RBM46: variants seen among roughly 807,000 people sequenced by gnomAD.
RBM46 encodes RNA binding motif protein 46.
A neutral mutation model predicts 43.3 loss-of-function variants in RBM46; 12 were observed. The observed-to-expected ratio is 0.28, with a 90% CI of 0.18 to 0.45. The LOEUF is 0.45. RBM46 is among the 20% of genes least tolerant of loss of function. RBM46 has a pLI of 1.00. For missense variants in RBM46, 412 were observed against 639.1 expected, an observed-to-expected ratio of 0.64 and a Z score of 3.83; for synonymous variants, 205 against 207.6, an observed-to-expected ratio of 0.99 and a Z score of 0.11.
intron 4 of RBM46, among the ~76,000 whole-genome samples, chr4:154,811,888 C>T (rs1292199213): frequency 3.9e-5 from 6 of 151,992 alleles, no homozygotes; most frequent in Non-Finnish European, 8.8e-5. Flanking sequence ...CCTGTGTTGG[C>T]CAGGCTGGTC....
At chr4:154,823,962 C>G (rs1241222035) in intron 4 of RBM46, among the ~76,000 whole-genome samples, 9 of 151,928 alleles carry the variant, frequency 5.9e-5, no homozygotes, top group African/African-American at 2.2e-4. Flanking sequence ...TAAGGTTAAG[C>G]TTATTTGCTG....
chr4:154,818,792 A>G (rs774655488), intron 4 of RBM46, among the ~76,000 whole-genome samples: 11 of 152,058 alleles, frequency 7.2e-5, no homozygotes, highest in South Asian at 4.2e-4. Flanking sequence ...CAGTCTGTAT[A>G]TTTTCTTACC....
Position 154,828,295 on chromosome 4 carries a change from G to C in RBM46, c.*228G>C. 2.1e-6 allele frequency: 1 copy of C among 487,486 alleles called. No homozygotes were observed. The highest frequency in any genetic ancestry group is 3.6e-6 in the Non-Finnish European group (1 of 275,396). The allele number at this position is 487,486 out of a possible 1,614,324, so 30.2% of individuals were successfully genotyped here. A position where few individuals can be genotyped will look rare whatever the true frequency, so the allele number is the denominator to read the frequency against. Reference sequence around the variant, plus strand: ...AGTGGTTTCTCTTGATAAAGGTACAGCAAACTACTATTCTTTTTAAACTTC... The same window carrying C: ...AGTGGTTTCTCTTGATAAAGGTACACCAAACTACTATTCTTTTTAAACTTC... On this transcript the variant is annotated 3_prime_UTR_variant, in exon 5 of 5. Coordinates refer to ENST00000281722, the MANE Select transcript of RBM46 (RefSeq NM_144979.5).
At chr4:154,781,841 A>ACCGCTGCAGGCCCGGG (rs1297599391) in intron 1 of RBM46, 1 of 152,280 alleles carries the variant, frequency 6.6e-6, no homozygotes, top group Admixed American at 6.5e-5. Context: ...ACGACCAACG[A>ACCGCTGCAGGCCCGGG]CCGCTGCAGG....
chr4:154,785,920 A>G (rs1003802041), intron 1 of RBM46, among the ~76,000 whole-genome samples: 13 of 152,216 alleles, frequency 8.5e-5, no homozygotes, highest in African/African-American at 3.1e-4. Context: ...CAGTTGTAAT[A>G]TTACTACAAA....
At chr4:154,819,362 T>A (rs1168023403) in intron 4 of RBM46, among the ~76,000 whole-genome samples, 2 of 152,154 alleles carry the variant, frequency 1.3e-5, no homozygotes, top group Non-Finnish European at 2.9e-5. Context: ...CCTAGCTTCA[T>A]TTGTCTCTTG....
At position 154,793,201 on chromosome 4, in the gene RBM46, T is replaced by C. The variant is rs74783295; in HGVS notation, c.-11-3541T>C. Among the ~76,000 whole-genome samples, 1,028 of 152,322 alleles carry C rather than the reference T, an allele frequency of 6.7e-3. 14 individuals carry two copies. Among genetic ancestry groups the C allele is most frequent in the African/African-American group, 0.024 (991 of 41,570 alleles). On this transcript the variant is annotated intron_variant, in intron 1 of 4. Transcript: ENST00000281722. Reference sequence around the variant, plus strand: ...TATCAGTACATGCAAATCTATGATATTCTTTAATAGCTTCATAACATTCCC... The same window carrying C: ...TATCAGTACATGCAAATCTATGATACTCTTTAATAGCTTCATAACATTCCC...
chr4:154,817,078 T>G (rs1373791348), intron 4 of RBM46, among the ~76,000 whole-genome samples: 1 of 152,112 alleles, frequency 6.6e-6, no homozygotes, highest in Non-Finnish European at 1.5e-5. Context: ...ATTTGTTTTT[T>G]TTAGGATTTT....
intron 1 of RBM46, among the ~76,000 whole-genome samples, chr4:154,789,568 C>T (rs560687701): frequency 5.7e-4 from 87 of 152,222 alleles, no homozygotes; most frequent in African/African-American, 2.0e-3. Flanking sequence ...CTGCTGGATT[C>T]GGTTTGCCAG....
At chr4:154,800,800 T>A (rs1734597387) in intron 4 of RBM46, among the ~76,000 whole-genome samples, 1 of 152,168 alleles carries the variant, frequency 6.6e-6, no homozygotes, top group African/African-American at 2.4e-5. Context: ...TGAAAATTAT[T>A]TTTTATATGG....
At chr4:154,813,587 G>A (rs1246977993) in intron 4 of RBM46, among the ~76,000 whole-genome samples, 3 of 152,002 alleles carry the variant, frequency 2.0e-5, no homozygotes, top group Non-Finnish European at 1.5e-5. Context: ...GTAATCCACA[G>A]TTATATCTAG....
At chr4:154,795,280 T>C in intron 1 of RBM46, among the ~76,000 whole-genome samples, 1 of 152,220 alleles carries the variant, frequency 6.6e-6, no homozygotes, top group East Asian at 1.9e-4. Flanking sequence ...CAGAGCTTAG[T>C]AAGGGAAGAA....
At chr4:154,785,239 C>A (rs1733700681) in intron 1 of RBM46, among the ~76,000 whole-genome samples, 1 of 151,762 alleles carries the variant, frequency 6.6e-6, no homozygotes, top group Admixed American at 6.6e-5. Context: ...TAAAAGGAGC[C>A]TTTAATGTGT....
At chr4:154,791,059 A>C (rs1453218785) in intron 1 of RBM46, among the ~76,000 whole-genome samples, 1 of 152,218 alleles carries the variant, frequency 6.6e-6, no homozygotes, top group African/African-American at 2.4e-5. Context: ...TAATGAGAGA[A>C]CATAAACTAT....
intron 4 of RBM46, among the ~76,000 whole-genome samples, chr4:154,815,963 A>G (rs796737200): frequency 4.5e-4 from 69 of 152,118 alleles, no homozygotes; most frequent in African/African-American, 1.4e-3. Context: ...CACTTAACCA[A>G]CACCATTTTT....
In RBM46 at chr4:154,799,220, G is replaced by A. The variant is rs139756307; in HGVS notation, c.1058G>A (p.Arg353His). The change falls in exon 4 of 5, where the codon CGT becomes CAT. Residue 353 changes from arginine (R) to histidine (H), a missense_variant. Arg to His is a conservative substitution (Grantham distance 29). This residue lies in a region of RBM46 where 105 missense variants were observed against 111.0 expected (regional missense o/e 0.95). Coordinates refer to ENST00000281722, the MANE Select transcript of RBM46 (RefSeq NM_144979.5). The part of the protein sequence containing the change: ...TLGKLPTLPA[R>H]LNGQHSPSPP... ...GGCAAGCTGCCAACTCTTCCTGCTCGTCTCAATGGTCAGCATAGCCCAAGT... is the reference window on the plus strand; with the variant it reads ...GGCAAGCTGCCAACTCTTCCTGCTCATCTCAATGGTCAGCATAGCCCAAGT... 9.7e-5 allele frequency: 156 copies of A among 1,613,976 alleles called. No homozygotes were observed. The highest frequency in any genetic ancestry group is 1.3e-4 in the Non-Finnish European group (149 of 1,180,004).
Position 154,800,067 on chromosome 4 carries a change from G to A in RBM46, c.1402+503G>A, listed in dbSNP as rs374648029. Reference sequence around the variant, plus strand: ...ATTACAGGCGTGAGCCACCGCACCTGGCCTACATTTAGCTTTTTAAGCATT... The same window carrying A: ...ATTACAGGCGTGAGCCACCGCACCTAGCCTACATTTAGCTTTTTAAGCATT... On this transcript the variant is annotated intron_variant, in intron 4 of 4. Transcript: ENST00000281722. Among the ~76,000 whole-genome samples the A allele has an allele frequency of 5.9e-5, 9 of 152,118 alleles. No individual in the cohort carries two copies. In the South Asian group the frequency reaches 1.9e-3, roughly 32 times the overall value.
chr4:154,797,080 AT>A (rs1458068459), intron 2 of RBM46, among the ~76,000 whole-genome samples, 177 bp downstream of exon 2: 1 of 151,578 alleles, frequency 6.6e-6, no homozygotes, highest in African/African-American at 2.4e-5. Context: ...TTACCATTAC[AT>A]TTTTTCAGCC....
chr4:154,810,883 C>T (rs544007209), intron 4 of RBM46, among the ~76,000 whole-genome samples: 5 of 152,230 alleles, frequency 3.3e-5, no homozygotes, highest in African/African-American at 9.6e-5. Flanking sequence ...TTTTTATTCT[C>T]GTAAGAATAT....
Sources: gnomAD v4.1 joint callset for allele counts (sites outside exome capture counted in the v4.1 genomes callset) on GRCh38, gnomAD v4.1.1 for gene constraint, gnomAD v4.1.1 regional missense constraint, MANE v1.5 for transcripts, NCBI Gene and HGNC (gene_info 2026-07-23, HGNC 2026-07-21) for gene names.